Variants in SPTA1 observed in about 807,000 individuals in gnomAD.
SPTA1 encodes the protein spectrin alpha, erythrocytic 1, also known as spectrin alpha chain, erythrocytic 1.
SPTA1 carries 177 observed loss-of-function variants against 324.7 expected under a neutral mutation model. That is an observed-to-expected ratio of 0.55 (90% CI 0.48 to 0.62). The LOEUF is 0.62. Among genes scored for constraint, SPTA1 ranks in the 20% least tolerant of loss-of-function variants. The pLI is 0.00. For synonymous variants in SPTA1, 1,195 were observed against 1,041.3 expected (o/e 1.15, Z -2.84); for missense variants, 3,162 against 2,883.6 (o/e 1.10, Z -2.21).
chr1:158,631,299 C>T (rs969696525), intron 39 of SPTA1, among the ~76,000 whole-genome samples: 3 of 152,102 alleles, frequency 2.0e-5, no homozygotes, highest in African/African-American at 4.8e-5. Flanking sequence ...AAAATAATGG[C>T]GTTTGCAGCG....
In SPTA1 at chr1:158,662,960, G is replaced by C. The variant is rs758371178; in HGVS notation, c.2221-15C>G. On this transcript the variant is annotated splice_polypyrimidine_tract_variant and intron_variant, in intron 16 of 51. Transcript: ENST00000643759. ...TCCACCTGATCCTAAGGGAGAAATA[G>C]AATGAATGCGAAGAAATCCCATCAT... 1 of 1,613,610 alleles carries C rather than the reference G, an allele frequency of 6.2e-7. No individual in the cohort carries two copies. Among genetic ancestry groups the C allele is most frequent in the Non-Finnish European group, 8.5e-7 (1 of 1,179,886 alleles).
At chr1:158,682,019 A>G (rs150058790) in intron 3 of SPTA1, among the ~76,000 whole-genome samples, 13 of 152,308 alleles carry the variant, frequency 8.5e-5, no homozygotes, top group African/African-American at 3.1e-4. Flanking sequence ...CATAAGCATA[A>G]CATGTTCTAA....
chr1:158,657,565 G>C lies in SPTA1; in HGVS notation c.2717C>G (p.Ala906Gly), dbSNP rs1652916578. Residue 906 changes from alanine (A) to glycine (G), a missense_variant, in exon 19 of 52, where the codon GCT becomes GGT. Transcript: ENST00000643759. ...CCATGTTTCTGCTTCATGCAGGTCA[G>C]CCAGGTACTGCTGGAACTGGACATT... is the stretch of plus-strand genomic sequence containing the variant. ...EANVQFQQYL[A>G]DLHEAETWIR... 6.2e-7 allele frequency: 1 copy of C among 1,614,018 alleles called. No homozygotes were observed. The highest frequency in any genetic ancestry group is 1.1e-5 in the South Asian group (1 of 91,076).
At position 158,611,196 on chromosome 1, in the gene SPTA1, G is replaced by C. The variant is rs186892978; in HGVS notation, c.*68C>G. 3,817 of 1,575,840 alleles carry C rather than the reference G, an allele frequency of 2.4e-3. 69 individuals are homozygous for C. The highest frequency in any genetic ancestry group is 2.8e-3 in the East Asian group (121 of 43,264). The stretch of plus-strand genomic sequence containing the variant: ...CCATCTTTATCTTCCACATTTGCCT[G>C]TACTCTTTGCCCCCCAGTAAATTTC... On this transcript the variant is annotated 3_prime_UTR_variant, in exon 52 of 52. Transcript: ENST00000643759.
intron 51 of SPTA1, chr1:158,612,036 G>C (rs1649288139): frequency 6.5e-6 from 1 of 154,450 alleles, no homozygotes; most frequent in African/African-American, 2.4e-5. Flanking sequence ...GATGAGTTTA[G>C]ACAATTGGAT....
chr1:158,638,393 T>C (rs2101814272), intron 35 of SPTA1, 152 bp from the exon 36 acceptor site: 2 of 795,616 alleles, frequency 2.5e-6, no homozygotes, highest in East Asian at 5.3e-5. Flanking sequence ...TGTTAGCATA[T>C]GTTCAGGTTG....
At chr1:158,660,443 G>A (rs1653132519) in intron 18 of SPTA1, among the ~76,000 whole-genome samples, 1 of 152,178 alleles carries the variant, frequency 6.6e-6, no homozygotes, top group Non-Finnish European at 1.5e-5. Flanking sequence ...ATTTCATAAT[G>A]TGAAGATTTA....
Position 158,635,907 on chromosome 1 carries a change from A to C in SPTA1, c.5432+6T>G. 6.2e-7 allele frequency: 1 copy of C among 1,614,034 alleles called. No individual in the cohort carries two copies. The highest frequency in any genetic ancestry group is 1.1e-5 in the South Asian group (1 of 91,076). Reference sequence around the variant, plus strand: ...AAGGGAACTGGGCCTTCTGTATCCCACTCACCGGGCCTTGGCCAACTCTTT... The same window carrying C: ...AAGGGAACTGGGCCTTCTGTATCCCCCTCACCGGGCCTTGGCCAACTCTTT... On this transcript the variant is annotated splice_donor_region_variant and intron_variant, in intron 38 of 51. Transcript: ENST00000643759.
At chr1:158,667,802 GGTA>G in intron 15 of SPTA1, 53 bp downstream of exon 15, 1 of 1,564,132 alleles carries the variant, frequency 6.4e-7, no homozygotes, top group Non-Finnish European at 8.7e-7. Flanking sequence ...TAAAGATAAA[GGTA>G]GTAGATTTCA....
chr1:158,654,896 G>A (rs1043489495), intron 20 of SPTA1, 148 bp from the exon 21 acceptor site: 38 of 1,062,158 alleles, frequency 3.6e-5, no homozygotes, highest in Middle Eastern at 2.8e-4. Flanking sequence ...TAAAGTATGT[G>A]GTCTTCAGAG....
chr1:158,677,076 C>G (rs1475110454), intron 7 of SPTA1, among the ~76,000 whole-genome samples: 1 of 152,034 alleles, frequency 6.6e-6, no homozygotes, highest in East Asian at 1.9e-4. Context: ...GGCTGACTCC[C>G]CTGTGCACTC....
rs1364118726 is a variant in SPTA1 at position 158,627,550 on chromosome 1, T to A, written c.5664+75A>T. On this transcript the variant is annotated intron_variant, in intron 40 of 51. Transcript: ENST00000643759. ...TCTTAGCACTGCTCTCTGCATATGATCTTAGCATTTCTACATTTGGGCCAG... is the reference window on the plus strand; with the variant it reads ...TCTTAGCACTGCTCTCTGCATATGAACTTAGCATTTCTACATTTGGGCCAG... 7 of 1,383,978 alleles carry A rather than the reference T, an allele frequency of 5.1e-6. No individual in the cohort carries two copies. In the South Asian group the frequency reaches 5.8e-5, roughly 11 times the overall value. 85.7% of individuals were successfully genotyped at this position (1,383,978 alleles called of 1,614,324 possible).
In SPTA1 at chr1:158,669,783, C is replaced by G. The variant is rs1653882535; in HGVS notation, c.1603G>C (p.Val535Leu). 6.2e-7 allele frequency: 1 copy of G among 1,613,958 alleles called. No homozygotes were observed. Among genetic ancestry groups the G allele is most frequent in the East Asian group, 2.2e-5 (1 of 44,880 alleles). Residue 535 changes from valine to leucine, a missense_variant, in exon 13 of 52, where the codon GTA becomes CTA. Val to Leu is a conservative substitution (Grantham distance 32). Transcript: ENST00000643759. ...FTAQEEKIIT[V>L]DKTATKLIGD... ...ATCAATTTGGTTGCAGTCTTGTCTACAGTCTGAAAAAATAAAAATAAAAAT... is the reference window on the plus strand; with the variant it reads ...ATCAATTTGGTTGCAGTCTTGTCTAGAGTCTGAAAAAATAAAAATAAAAAT...
intron 49 of SPTA1, 138 bp from the exon 50 acceptor site, chr1:158,614,005 CCTGT>C (rs1158728048): frequency 9.9e-7 from 1 of 1,013,862 alleles, no homozygotes; most frequent in Non-Finnish European, 1.5e-6. Context: ...GAATACAAAG[CCTGT>C]CTGTGTCATG....
chr1:158,613,105 G>A, intron 50 of SPTA1, 144 bp from the exon 51 acceptor site: 1 of 871,418 alleles, frequency 1.1e-6, no homozygotes, highest in Admixed American at 2.1e-5. Context: ...GATGAGATGG[G>A]TTATGCTCTC....
chr1:158,670,435 C>T (rs1034307214), intron 12 of SPTA1, among the ~76,000 whole-genome samples: 4 of 152,234 alleles, frequency 2.6e-5, no homozygotes, highest in African/African-American at 9.6e-5. Flanking sequence ...AAAGGACACA[C>T]ATATCAATTA....
chr1:158,651,909 C>CTGTG (rs1553231095), intron 23 of SPTA1, among the ~76,000 whole-genome samples: 34 of 145,122 alleles, frequency 2.3e-4, no homozygotes, highest in African/African-American at 8.6e-4. Flanking sequence ...CTCTCTCTCT[C>CTGTG]TGTGTGTGTG....
intron 48 of SPTA1, chr1:158,614,568 T>G: frequency 2.5e-6 from 1 of 407,326 alleles, no homozygotes; most frequent in Non-Finnish European, 4.4e-6. Context: ...GAAAATTACA[T>G]AAAATTTAAA....
intron 3 of SPTA1, among the ~76,000 whole-genome samples, chr1:158,683,007 T>G (rs1654917348): frequency 6.6e-6 from 1 of 152,108 alleles, no homozygotes; most frequent in African/African-American, 2.4e-5. Context: ...ATTCCTTATT[T>G]GGAGAAGTTA....
Sources: gnomAD v4.1 joint callset for allele counts (sites outside exome capture counted in the v4.1 genomes callset) on GRCh38, gnomAD v4.1.1 for gene constraint, MANE v1.5 for transcripts, NCBI Gene and HGNC (gene_info 2026-07-23, HGNC 2026-07-21) for gene names.